The following LAPTM5 variants were observed in gnomAD, a reference collection of about 807,000 sequenced individuals.
The protein encoded by LAPTM5 is lysosomal protein transmembrane 5.
LAPTM5 carries 11 observed loss-of-function variants against 30.1 expected under a neutral mutation model. The observed-to-expected ratio is 0.37, with a 90% CI of 0.23 to 0.60. The LOEUF (loss-of-function observed/expected upper bound fraction) is 0.60, where lower values mean the gene tolerates loss of function less well. LAPTM5 is among the 20% of genes least tolerant of loss of function. The probability of loss-of-function intolerance (pLI) is 0.71; values close to 1 mark genes in which losing one functional copy is unlikely to be tolerated. For synonymous variants in LAPTM5, 151 were observed against 137.9 expected (o/e 1.10, Z -0.67); for missense variants, 324 against 332.5 (o/e 0.97, Z 0.20).
intron 3 of LAPTM5, among the ~76,000 whole-genome samples, chr1:30,741,392 G>A (rs565096754): frequency 3.9e-4 from 59 of 152,282 alleles, no homozygotes; most frequent in African/African-American, 1.3e-3. Flanking sequence ...CCAAAGTGTC[G>A]GTGACCAGCA....
chr1:30,748,269 C>A (rs1640077899), intron 1 of LAPTM5, among the ~76,000 whole-genome samples: 1 of 152,158 alleles, frequency 6.6e-6, no homozygotes, highest in Admixed American at 6.5e-5. Flanking sequence ...AGGACAGAGG[C>A]TGCACAAGAA....
chr1:30,755,011 T>A (rs763940660), intron 1 of LAPTM5, among the ~76,000 whole-genome samples: 21 of 152,322 alleles, frequency 1.4e-4, no homozygotes, highest in Non-Finnish European at 2.6e-4. Context: ...GGCCCTGCCC[T>A]TTCTGGGAAG....
At chr1:30,755,508 CCA>C (rs1640197091) in intron 1 of LAPTM5, among the ~76,000 whole-genome samples, 1 of 152,284 alleles carries the variant, frequency 6.6e-6, no homozygotes, top group Admixed American at 6.5e-5. Flanking sequence ...TCCTCACCTT[CCA>C]TACTGCCCAC....
chr1:30,733,832 A>G lies in LAPTM5; in HGVS notation c.785T>C (p.Val262Ala). 2 of 1,603,752 alleles carry G rather than the reference A, an allele frequency of 1.2e-6. No individual in the cohort carries two copies. ...GGPAPPPYSEV is the reference protein window; with the variant it reads ...GGPAPPPYSEA ...GGGGCTGGGGCCTGGCGAGGGTCAC[A>G]CCTCTGAGTATGGGGGTGGTGCTGG... Residue 262 changes from valine to alanine, a missense_variant, in exon 8 of 8, where the codon GTG (valine) becomes GCG (alanine). By Grantham distance (64) the Val-to-Ala change is moderately conservative. Coordinates refer to ENST00000294507, the MANE Select transcript of LAPTM5 (RefSeq NM_006762.3).
chr1:30,735,353 C>T (rs1639871393), intron 6 of LAPTM5, 88 bp from the exon 7 acceptor site: 4 of 1,037,722 alleles, frequency 3.9e-6, no homozygotes, highest in Admixed American at 1.7e-5. Context: ...GCAGGAGCCA[C>T]CACTCTCTCC....
chr1:30,752,241 T>C (rs558849041), intron 1 of LAPTM5, among the ~76,000 whole-genome samples: 3 of 152,238 alleles, frequency 2.0e-5, no homozygotes, highest in Non-Finnish European at 4.4e-5. Flanking sequence ...CTGCCCCATC[T>C]CTCCATGTGT....
chr1:30,747,037 T>C (rs1333453476), intron 1 of LAPTM5, among the ~76,000 whole-genome samples: 1 of 152,132 alleles, frequency 6.6e-6, no homozygotes, highest in Non-Finnish European at 1.5e-5. Flanking sequence ...GGGAACTCGA[T>C]ACATGAATGG....
chr1:30,756,618 T>C (rs1325781094), intron 1 of LAPTM5, among the ~76,000 whole-genome samples: 2 of 152,224 alleles, frequency 1.3e-5, no homozygotes, highest in Admixed American at 1.3e-4. Context: ...GGCTAACCAC[T>C]GAACAGCATC....
intron 1 of LAPTM5, among the ~76,000 whole-genome samples, chr1:30,754,080 C>T (rs193001972): frequency 6.6e-6 from 1 of 152,310 alleles, no homozygotes; most frequent in Admixed American, 6.5e-5. Flanking sequence ...CCAGACAATG[C>T]ATTTCTGACA....
At chr1:30,757,220 C>T (rs1307276887) in intron 1 of LAPTM5, among the ~76,000 whole-genome samples, 15 of 152,186 alleles carry the variant, frequency 9.9e-5, no homozygotes, top group Admixed American at 9.8e-4. Context: ...GGGGAAGAAT[C>T]GGGGCTGTGT....
In LAPTM5 at chr1:30,742,546, T is replaced by A. The variant is rs768788733; in HGVS notation, c.91A>T (p.Met31Leu). The change falls in exon 2 of 8, where the codon ATG becomes TTG. Residue 31 changes from methionine to leucine, a missense_variant. Met to Leu is a conservative substitution (Grantham distance 15). Coordinates refer to ENST00000294507, the MANE Select transcript of LAPTM5 (RefSeq NM_006762.3). Reference sequence around the variant, plus strand: ...TGCTCGATGAACAACAAGACGCTCATGATCTGGAGGCAAAGCAAAGCATCA... The same window carrying A: ...TGCTCGATGAACAACAAGACGCTCAAGATCTGGAGGCAAAGCAAAGCATCA... The part of the protein sequence containing the change: ...TTALAIYHVI[M>L]SVLLFIEHSV... 6.2e-7 allele frequency: 1 copy of A among 1,612,914 alleles called. No individual in the cohort carries two copies. Among genetic ancestry groups the A allele is most frequent in the Non-Finnish European group, 8.5e-7 (1 of 1,179,682 alleles).
chr1:30,741,551 C>T, intron 3 of LAPTM5, 89 bp downstream of exon 3: 1 of 924,214 alleles, frequency 1.1e-6, no homozygotes, highest in Non-Finnish European at 1.6e-6. Context: ...ATACCCGCCT[C>T]CCACCCTCTC....
intron 1 of LAPTM5, among the ~76,000 whole-genome samples, chr1:30,747,974 G>A (rs1179307729): frequency 6.6e-6 from 1 of 152,032 alleles, no homozygotes; most frequent in African/African-American, 2.4e-5. Flanking sequence ...TGGTGATAAG[G>A]AATATCATGT....
chr1:30,741,670 G>A lies in LAPTM5; in HGVS notation c.228C>T (p.Ile76=), dbSNP rs750160139. ...CTACGCCGATCAGTAGGCTCAGGCT[G>A]ATGATGAAGAGCATGGTGATGAGCA... ...SFLLITMLFI[I]SLSLLIGVVK... The change falls in exon 3 of 8, where the codon ATC becomes ATT. Residue 76 remains isoleucine, a synonymous_variant. Coordinates refer to ENST00000294507, the MANE Select transcript of LAPTM5 (RefSeq NM_006762.3). 1.6e-5 allele frequency: 26 copies of A among 1,608,428 alleles called. 1 individual carries two copies. In the South Asian group the frequency reaches 2.9e-4, roughly 18 times the overall value.
At chr1:30,754,818 C>G (rs1012181082) in intron 1 of LAPTM5, among the ~76,000 whole-genome samples, 1 of 152,184 alleles carries the variant, frequency 6.6e-6, no homozygotes, top group African/African-American at 2.4e-5. Flanking sequence ...CAATTTAACC[C>G]TCCCTAGAGG....
chr1:30,748,352 G>A (rs1053252404), intron 1 of LAPTM5, among the ~76,000 whole-genome samples: 19 of 152,042 alleles, frequency 1.2e-4, no homozygotes, highest in African/African-American at 4.6e-4. Context: ...AAGTGCCAGA[G>A]CCCTCCCTTG....
chr1:30,748,495 G>A (rs1640081123), intron 1 of LAPTM5, among the ~76,000 whole-genome samples: 1 of 152,124 alleles, frequency 6.6e-6, no homozygotes, highest in Non-Finnish European at 1.5e-5. Context: ...TGATTTCCCT[G>A]GGTTGCCTGG....
Position 30,733,725 on chromosome 1 carries a change from G to A in LAPTM5, c.*103C>T, listed in dbSNP as rs1639847251. ...CACAAGCAGATTGTCCTGCCAGGGA[G>A]GGGCGGGAGGGCCCACCCAGGCCAC... On this transcript the variant is annotated 3_prime_UTR_variant, in exon 8 of 8. Coordinates refer to ENST00000294507, the MANE Select transcript of LAPTM5 (RefSeq NM_006762.3). The A allele has an allele frequency of 2.0e-6, 3 of 1,531,814 alleles. No individual in the cohort carries two copies. Among genetic ancestry groups the A allele is most frequent in the Non-Finnish European group, 2.6e-6 (3 of 1,143,678 alleles). The allele number at this position is 1,531,814 out of a possible 1,614,324, so 94.9% of individuals were successfully genotyped here.
intron 7 of LAPTM5, among the ~76,000 whole-genome samples, chr1:30,734,449 T>G (rs915901472): frequency 2.0e-5 from 3 of 152,150 alleles, no homozygotes; most frequent in South Asian, 2.1e-4. Flanking sequence ...GAAGCCAACA[T>G]CAAGGAAAGT....
Sources: allele counts gnomAD v4.1 joint callset (sites outside exome capture counted in the v4.1 genomes callset), GRCh38; gene constraint gnomAD v4.1.1; transcripts MANE v1.5; gene names NCBI Gene and HGNC (gene_info 2026-07-23, HGNC 2026-07-21).